PPIC: variants seen among roughly 807,000 people sequenced by gnomAD.
PPIC encodes peptidylprolyl isomerase C.
PPIC carries 19 observed loss-of-function variants against 19.5 expected under a neutral mutation model. The observed-to-expected ratio is 0.98, with a 90% CI of 0.68 to 1.43. The LOEUF is 1.43. Among genes scored for constraint, PPIC ranks in the 40% most tolerant of loss-of-function variants. PPIC has a pLI of 0.00. For missense variants in PPIC, 268 were observed against 268.6 expected, an observed-to-expected ratio of 1.00 and a Z score of 0.02; for synonymous variants, 107 against 101.2, an observed-to-expected ratio of 1.06 and a Z score of -0.34.
At chr5:123,027,952 C>T (rs991388214) in intron 3 of PPIC, among the ~76,000 whole-genome samples, 10 of 152,176 alleles carry the variant, frequency 6.6e-5, no homozygotes, top group Admixed American at 2.0e-4. Flanking sequence ...TTGAAACTCT[C>T]TAAATTTAAC....
At chr5:123,032,513 C>T (rs934242663) in intron 1 of PPIC, among the ~76,000 whole-genome samples, 2 of 152,138 alleles carry the variant, frequency 1.3e-5, no homozygotes, top group African/African-American at 4.8e-5. Flanking sequence ...AAATGATACT[C>T]AAGGAGGACC....
chr5:123,033,053 C>T (rs1253065604), intron 1 of PPIC, among the ~76,000 whole-genome samples: 6 of 152,128 alleles, frequency 3.9e-5, no homozygotes, highest in Admixed American at 2.0e-4. Flanking sequence ...ACATGAGCTG[C>T]GATGTGGAAG....
Position 123,023,964 on chromosome 5 carries a change from G to C in PPIC, c.550C>G (p.His184Asp). The C allele has an allele frequency of 1.9e-6, 3 of 1,614,078 alleles. No homozygotes were observed. Among genetic ancestry groups the C allele is most frequent in the Non-Finnish European group, 2.5e-6 (3 of 1,179,982 alleles). ...GAGCAGTTGGTGAGTGGACGGTCATGCCCATCAGTTGCTTGGAGCTCTATG... is the reference window on the plus strand; with the variant it reads ...GAGCAGTTGGTGAGTGGACGGTCATCCCCATCAGTTGCTTGGAGCTCTATG... ...HSIELQATDG[H>D]DRPLTNCSII... is the part of the protein sequence containing the mutation. Residue 184 changes from histidine to aspartate, a missense_variant, in exon 5 of 5, where the codon CAT becomes GAT. By Grantham distance (81) the His-to-Asp change is moderately conservative (BLOSUM62 -1). Coordinates refer to ENST00000306442, the MANE Select transcript of PPIC (RefSeq NM_000943.5).
At chr5:123,029,550 T>G (rs1435300764) in intron 1 of PPIC, 132 bp from the exon 2 acceptor site, 1 of 1,389,986 alleles carries the variant, frequency 7.2e-7, no homozygotes, top group African/African-American at 1.5e-5. Context: ...TAAAGGAGCA[T>G]GACATCAATT....
intron 1 of PPIC, among the ~76,000 whole-genome samples, chr5:123,030,123 G>T (rs994807703): frequency 6.6e-6 from 1 of 152,188 alleles, no homozygotes; most frequent in Admixed American, 6.5e-5. Flanking sequence ...CAGTCCTCTT[G>T]TTCCCAAGTT....
At chr5:123,029,465 C>G in intron 1 of PPIC, 47 bp from the exon 2 acceptor site, 1 of 1,502,484 alleles carries the variant, frequency 6.7e-7, no homozygotes, top group Non-Finnish European at 8.9e-7. Context: ...GGTGGAAAAG[C>G]ACAAATACAA....
chr5:123,034,459 G>T (rs1762979137), intron 1 of PPIC, among the ~76,000 whole-genome samples: 1 of 152,000 alleles, frequency 6.6e-6, no homozygotes. Flanking sequence ...CTCCTCTCTT[G>T]GCTCCATCTT....
In PPIC at chr5:123,023,895, C is replaced by A. The variant is rs577317467; in HGVS notation, c.619G>T (p.Val207Phe). The change falls in exon 5 of 5, where the codon GTT (valine) becomes TTT (phenylalanine). Residue 207 changes from valine to phenylalanine, a missense_variant. Coordinates refer to ENST00000306442, the MANE Select transcript of PPIC (RefSeq NM_000943.5). Reference protein sequence around the residue: ...GKIDVKTPFVVEIADW With the variant: ...GKIDVKTPFVFEIADW Reference sequence around the variant, plus strand: ...TTGTGTCACCAATCAGCGATCTCAACCACAAAAGGCGTTTTCACGTCTATC... The same window carrying A: ...TTGTGTCACCAATCAGCGATCTCAAACACAAAAGGCGTTTTCACGTCTATC... 2 of 1,613,236 alleles carry A rather than the reference C, an allele frequency of 1.2e-6. No individual in the cohort carries two copies. The highest frequency in any genetic ancestry group is 2.2e-5 in the East Asian group (1 of 44,858).
intron 4 of PPIC, among the ~76,000 whole-genome samples, chr5:123,024,443 A>G (rs1762820688): frequency 6.6e-6 from 1 of 152,218 alleles, no homozygotes; most frequent in Non-Finnish European, 1.5e-5. Context: ...AAGCAGATTC[A>G]GAAATGGACC....
chr5:123,032,259 A>G (rs1762954036), intron 1 of PPIC, among the ~76,000 whole-genome samples: 1 of 152,196 alleles, frequency 6.6e-6, no homozygotes, highest in Admixed American at 6.5e-5. Flanking sequence ...AACTATTATC[A>G]CTAATTTACA....
Position 123,025,984 on chromosome 5 carries a change from GA to G in PPIC, c.326-17del, listed in dbSNP as rs1762847530. The G allele has an allele frequency of 6.3e-7, 1 of 1,575,040 alleles. No individual in the cohort carries two copies. The highest frequency in any genetic ancestry group is 8.6e-7 in the Non-Finnish European group (1 of 1,163,390). On this transcript the variant is annotated splice_polypyrimidine_tract_variant and intron_variant, in intron 3 of 4. Transcript: ENST00000306442. ...ATGCTCACACCTGAGACAAAACAAG[GA>G]AGAAAGTCAACAGATGTCTTCCAAA...
chr5:123,032,822 T>A (rs45508298), intron 1 of PPIC, among the ~76,000 whole-genome samples: 1 of 152,308 alleles, frequency 6.6e-6, no homozygotes, highest in Non-Finnish European at 1.5e-5. Flanking sequence ...GTGGGCTTCC[T>A]GGGAAAGGTG....
Position 123,029,411 on chromosome 5 carries a change from A to G in PPIC, c.125T>C (p.Phe42Ser), listed in dbSNP as rs1218973681. The change falls in exon 2 of 5, where the codon TTT (phenylalanine) becomes TCT (serine). Residue 42 changes from phenylalanine to serine, a missense_variant. By Grantham distance (155) the Phe-to-Ser change is radical. Coordinates refer to ENST00000306442, the MANE Select transcript of PPIC (RefSeq NM_000943.5). ...RGPSVTAKVFFDVRIGDKDVG... is the reference protein window; with the variant it reads ...RGPSVTAKVFSDVRIGDKDVG... ...ATCTTTGTCTCCAATCCTCACATCA[A>G]AGAAGACCTGTGTGCAGTTGAAAGG... 11 of 1,596,092 alleles carry G rather than the reference A, an allele frequency of 6.9e-6. No individual in the cohort carries two copies. Among genetic ancestry groups the G allele is most frequent in the Non-Finnish European group, 9.4e-6 (11 of 1,169,978 alleles).
In PPIC at chr5:123,036,342, C is replaced by G. The variant is rs1763012118; in HGVS notation, c.117+167G>C. On this transcript the variant is annotated intron_variant, in intron 1 of 4. Coordinates refer to ENST00000306442, the MANE Select transcript of PPIC (RefSeq NM_000943.5). This position sits in a 1 kb window ranked among gnomAD's most constrained non-coding sequence, Gnocchi z 4.5. ...GGGTCTCCCCCGGAGCGCCGGCCTCCCAGCACGCGAGCAGCCCCCTCCCAC... is the reference window on the plus strand; with the variant it reads ...GGGTCTCCCCCGGAGCGCCGGCCTCGCAGCACGCGAGCAGCCCCCTCCCAC... 1.6e-6 allele frequency: 1 copy of G among 635,742 alleles called. No homozygotes were observed. The highest frequency in any genetic ancestry group is 2.7e-6 in the Non-Finnish European group (1 of 369,022). The allele number at this position is 635,742 out of a possible 1,614,324, so 39.4% of individuals were successfully genotyped here. A position where few individuals can be genotyped will look rare whatever the true frequency, so the allele number is the denominator to read the frequency against.
chr5:123,036,685 C>T lies in PPIC; in HGVS notation c.-60G>A. 3.5e-6 allele frequency: 5 copies of T among 1,426,910 alleles called. No homozygotes were observed. Among genetic ancestry groups the T allele is most frequent in the Non-Finnish European group, 4.8e-6 (5 of 1,045,362 alleles). The allele number at this position is 1,426,910 out of a possible 1,614,324, so 88.4% of individuals were successfully genotyped here. On this transcript the variant is annotated 5_prime_UTR_variant, in exon 1 of 5. Coordinates refer to ENST00000306442, the MANE Select transcript of PPIC (RefSeq NM_000943.5). This position sits in a 1 kb window ranked among gnomAD's most constrained non-coding sequence, Gnocchi z 4.5. Reference sequence around the variant, plus strand: ...GCTACCGGCACGGGCGCGACACAGGCTCTGGGACAGCTGACGGGACTGCCG... The same window carrying T: ...GCTACCGGCACGGGCGCGACACAGGTTCTGGGACAGCTGACGGGACTGCCG...
intron 3 of PPIC, among the ~76,000 whole-genome samples, chr5:123,027,738 G>T (rs1473079763): frequency 6.6e-6 from 1 of 152,242 alleles, no homozygotes; most frequent in Admixed American, 6.5e-5. Flanking sequence ...CTTGAAAATG[G>T]CCTGTTGCTT....
Position 123,028,809 on chromosome 5 carries a change from T to C in PPIC, c.291A>G (p.Gln97=). The C allele has an allele frequency of 1.9e-6, 3 of 1,613,862 alleles. No homozygotes were observed. Among genetic ancestry groups the C allele is most frequent in the Non-Finnish European group, 2.5e-6 (3 of 1,179,714 alleles). Residue 97 remains glutamine (Q), a synonymous_variant, in exon 3 of 5, where the codon CAA becomes CAG. Coordinates refer to ENST00000306442, the MANE Select transcript of PPIC (RefSeq NM_000943.5). ...FHRVIKDFMI[Q]GGDITTGDGT... is the part of the protein sequence containing the mutation. ...CATCTCCAGTGGTGATGTCACCTCC[T>C]TGAATCATGAAATCCTTGATGACAC... is the stretch of plus-strand genomic sequence containing the variant.
intron 1 of PPIC, among the ~76,000 whole-genome samples, chr5:123,032,187 T>C (rs1762953401): frequency 6.6e-6 from 1 of 152,200 alleles, no homozygotes; most frequent in African/African-American, 2.4e-5. Context: ...GTGGTCTCAG[T>C]GTGGGTAACC....
chr5:123,029,225 C>T, intron 2 of PPIC, 80 bp downstream of exon 2: 1 of 1,609,102 alleles, frequency 6.2e-7, no homozygotes, highest in Non-Finnish European at 8.5e-7. Flanking sequence ...TAATTTAATA[C>T]TTATTTTCTC....
Sources: allele counts gnomAD v4.1 joint callset (sites outside exome capture counted in the v4.1 genomes callset), GRCh38; gene constraint gnomAD v4.1.1; non-coding constraint Gnocchi (gnomAD v3.1); transcripts MANE v1.5; gene names NCBI Gene and HGNC (gene_info 2026-07-23, HGNC 2026-07-21).